The following TENM2 variants were observed in gnomAD, a reference collection of about 807,000 sequenced individuals.
TENM2 encodes the protein teneurin-2.
TENM2 carries 52 observed loss-of-function variants against 245.2 expected under a neutral mutation model. That is an observed-to-expected ratio of 0.21 (90% confidence interval 0.17 to 0.27). The LOEUF (loss-of-function observed/expected upper bound fraction) is 0.27, where lower values mean the gene tolerates loss of function less well. Ranked by LOEUF, TENM2 falls within the 10% of genes least tolerant of loss-of-function variation. The probability of loss-of-function intolerance (pLI) is 1.00; values close to 1 mark genes in which losing one functional copy is unlikely to be tolerated. For missense variants in TENM2, 3,046 were observed against 3,666.8 expected, an observed-to-expected ratio of 0.83 and a Z score of 4.37; for synonymous variants, 1,363 against 1,438.9, an observed-to-expected ratio of 0.95 and a Z score of 1.19.
At chr5:168,003,650 A>G (rs896885836) in intron 5 of TENM2, among the ~76,000 whole-genome samples, 3 of 152,166 alleles carry the variant, frequency 2.0e-5, no homozygotes, top group African/African-American at 7.2e-5. Context: ...ATGAAAAGCA[A>G]TCGTTGTGAA....
In TENM2 at chr5:167,321,781, G is replaced by GTTTTT. The variant is rs1554133753; in HGVS notation, c.226+36718_226+36719insTTTTT. On this transcript the variant is annotated intron_variant, in intron 1 of 28. Transcript: ENST00000518659. ...TTGAATCTGTTGTCTTGCTGCCTTG[G>GTTTTT]CTTATTTTTTTTTTTTTTTTGGGGG... Among the ~76,000 whole-genome samples, 51 of 38,720 alleles carry GTTTTT rather than the reference G, an allele frequency of 1.3e-3. 2 individuals are homozygous for GTTTTT. The highest frequency in any genetic ancestry group is 2.2e-3 in the Non-Finnish European group (45 of 20,598). 25.4% of individuals were successfully genotyped at this position (38,720 alleles called of 152,430 possible). A position where few individuals can be genotyped will look rare whatever the true frequency, so the allele number is the denominator to read the frequency against.
At chr5:167,738,646 A>G (rs930820316) in intron 2 of TENM2, among the ~76,000 whole-genome samples, 7 of 152,280 alleles carry the variant, frequency 4.6e-5, no homozygotes, top group South Asian at 4.1e-4. Flanking sequence ...GACAACAGAA[A>G]TTTATTTCCT....
chr5:168,232,068 G>C (rs1764974122), intron 25 of TENM2, among the ~76,000 whole-genome samples: 1 of 152,166 alleles, frequency 6.6e-6, no homozygotes. Context: ...CCTGTCTCAA[G>C]AAAAGGAAAG....
chr5:167,706,820 C>T (rs1425684863), intron 2 of TENM2, among the ~76,000 whole-genome samples: 1 of 151,902 alleles, frequency 6.6e-6, no homozygotes, highest in African/African-American at 2.4e-5. Context: ...CAAGACCATC[C>T]TGGCTAACAT....
chr5:167,409,195 T>C (rs1762783417), intron 2 of TENM2, among the ~76,000 whole-genome samples: 1 of 151,980 alleles, frequency 6.6e-6, no homozygotes, highest in Admixed American at 6.6e-5. Context: ...AATAAGAAAC[T>C]AAACCAATTA....
exon 29 of TENM2, chr5:168,262,695 G>T: frequency 1.9e-6 from 3 of 1,610,568 alleles, no homozygotes; most frequent in Non-Finnish European, 2.5e-6. Context: ...CTGAGCACCG[G>T]GCGCGTGCAA....
chr5:167,663,158 G>C (rs1708329272), intron 2 of TENM2, among the ~76,000 whole-genome samples: 1 of 147,776 alleles, frequency 6.8e-6, no homozygotes, highest in Admixed American at 6.7e-5. Context: ...GAGAGAGAGA[G>C]AGAGAGAGAG....
At chr5:167,392,054 C>T (rs760656592) in intron 2 of TENM2, among the ~76,000 whole-genome samples, 6 of 152,080 alleles carry the variant, frequency 3.9e-5, no homozygotes, top group Non-Finnish European at 4.4e-5. Context: ...TTAGGGTTCC[C>T]TGATGGCTTC....
At chr5:167,268,936 AT>A in the TENM2 span, among the ~76,000 whole-genome samples, 26 of 149,554 alleles carry the variant, frequency 1.7e-4, no homozygotes, top group East Asian at 1.4e-3. Flanking sequence ...ATAGACAGAC[AT>A]TTTTTTTTTC....
At chr5:168,043,686 C>G (rs150111117) in intron 5 of TENM2, among the ~76,000 whole-genome samples, 495 of 152,316 alleles carry the variant, frequency 3.2e-3, no homozygotes, top group African/African-American at 0.011. Flanking sequence ...TGGCTTATAA[C>G]AGTAACAGTT....
chr5:167,933,354 G>A (rs1250510799), intron 3 of TENM2, among the ~76,000 whole-genome samples: 1 of 152,192 alleles, frequency 6.6e-6, no homozygotes, highest in African/African-American at 2.4e-5. Flanking sequence ...GTTGTGAGCA[G>A]CAGGCCTAGA....
At chr5:168,215,227 G>A (rs1242178037) in exon 21 of TENM2, 12 of 1,613,926 alleles carry the variant, frequency 7.4e-6, no homozygotes, top group African/African-American at 2.7e-5. Flanking sequence ...AGCCCGCTGC[G>A]GGGATGGAGG....
chr5:168,234,012 TGG>T (rs1224762923), intron 25 of TENM2, among the ~76,000 whole-genome samples: 1 of 152,068 alleles, frequency 6.6e-6, no homozygotes, highest in Non-Finnish European at 1.5e-5. Flanking sequence ...AAGATTTGGG[TGG>T]GGACACAGCC....
At chr5:167,464,535 G>A (rs914345792) in intron 2 of TENM2, among the ~76,000 whole-genome samples, 1 of 152,050 alleles carries the variant, frequency 6.6e-6, no homozygotes, top group Non-Finnish European at 1.5e-5. Flanking sequence ...CCTGTATCAC[G>A]AATACCATAT....
chr5:167,905,903 G>A (rs1013919725), intron 3 of TENM2, among the ~76,000 whole-genome samples: 4 of 152,108 alleles, frequency 2.6e-5, no homozygotes, highest in Non-Finnish European at 4.4e-5. Context: ...AAGCTAATGC[G>A]ACAGGGAACA....
intron 2 of TENM2, among the ~76,000 whole-genome samples, chr5:167,811,464 G>A (rs548359617): frequency 6.6e-6 from 1 of 152,132 alleles, no homozygotes; most frequent in Non-Finnish European, 1.5e-5. Context: ...AGCTCCCTGA[G>A]GCCTCCCCAG....
intron 2 of TENM2, among the ~76,000 whole-genome samples, chr5:167,491,393 A>AT (rs2127542871): frequency 6.6e-6 from 1 of 151,668 alleles, no homozygotes; most frequent in Admixed American, 6.6e-5. Context: ...TGGTGCTAAA[A>AT]GCTTGTTCTT....
Position 167,828,775 on chromosome 5 carries a change from A to G in TENM2, c.503-47211A>G, listed in dbSNP as rs536500436. Among the ~76,000 whole-genome samples, 9 of 152,340 alleles carry G rather than the reference A, an allele frequency of 5.9e-5. No individual in the cohort carries two copies. In the South Asian group the frequency reaches 1.9e-3, roughly 32 times the overall value. On this transcript the variant is annotated intron_variant, in intron 2 of 28. Transcript: ENST00000518659. ...CTGATTGATATAAAAATGGCAGTCT[A>G]AAATAACCATTTCTATAAGAAATCT...
intron 12 of TENM2, among the ~76,000 whole-genome samples, chr5:168,146,636 A>G (rs568520657): frequency 6.6e-6 from 1 of 152,340 alleles, no homozygotes; most frequent in Admixed American, 6.5e-5. Flanking sequence ...TACTAATGAC[A>G]GAAACGGCCG....
Sources: allele counts gnomAD v4.1 joint callset (sites outside exome capture counted in the v4.1 genomes callset), GRCh38; gene constraint gnomAD v4.1.1; transcripts MANE v1.5; gene names NCBI Gene and HGNC (gene_info 2026-07-23, HGNC 2026-07-21).